Variants in CNNM1 observed in about 807,000 individuals in gnomAD.
CNNM1 encodes the protein cyclin and CBS domain divalent metal cation transport mediator 1.
Under a neutral mutation model 78.8 loss-of-function variants are expected in CNNM1, and 44 were observed. That is an observed-to-expected ratio of 0.56 (90% CI 0.44 to 0.72). The LOEUF (loss-of-function observed/expected upper bound fraction) is 0.72. CNNM1 is among the 30% of genes least tolerant of loss of function. The probability of loss-of-function intolerance (pLI) is 0.00; values close to 1 mark genes in which losing one functional copy is unlikely to be tolerated. For synonymous variants in CNNM1, 584 were observed against 581.5 expected, an observed-to-expected ratio of 1.00 and a Z score of -0.06; for missense variants, 1,101 against 1,292.2, an observed-to-expected ratio of 0.85 and a Z score of 2.27.
Position 99,391,601 on chromosome 10 carries a change from G to A in CNNM1, c.*85G>A. On this transcript the variant is annotated 3_prime_UTR_variant, in exon 11 of 11. Coordinates refer to ENST00000356713, the MANE Select transcript of CNNM1 (RefSeq NM_020348.3). Reference sequence around the variant, plus strand: ...CCCTCCCATCATCTGCTTCCCCCAAGGCCTCCCACAGGTGACAGAATGTTC... The same window carrying A: ...CCCTCCCATCATCTGCTTCCCCCAAAGCCTCCCACAGGTGACAGAATGTTC... The A allele has an allele frequency of 8.9e-7, 1 of 1,124,080 alleles. No individual in the cohort carries two copies. The highest frequency in any genetic ancestry group is 1.3e-6 in the Non-Finnish European group (1 of 757,934). The allele number at this position is 1,124,080 out of a possible 1,614,324, so 69.6% of individuals were successfully genotyped here.
At chr10:99,379,406 A>G (rs1038551580) in intron 7 of CNNM1, among the ~76,000 whole-genome samples, 1 of 152,202 alleles carries the variant, frequency 6.6e-6, no homozygotes, top group Admixed American at 6.5e-5. Flanking sequence ...TGCTCTTGAA[A>G]TGGTTATCAG....
chr10:99,387,673 G>C, intron 7 of CNNM1, 147 bp from the exon 8 acceptor site: 1 of 703,848 alleles, frequency 1.4e-6, no homozygotes, highest in Non-Finnish European at 2.3e-6. Context: ...GCTACAGCGT[G>C]GGTAAGGCCC....
intron 1 of CNNM1, among the ~76,000 whole-genome samples, chr10:99,356,609 G>GAAAGAAAGAAAGAAAAGA (rs2031219580): frequency 1.5e-5 from 2 of 132,552 alleles, no homozygotes; most frequent in South Asian, 2.4e-4. Context: ...AGAAAGAAAA[G>GAAAGAAAGAAAGAAAAGA]AAAGAAAGAA....
chr10:99,379,159 A>G (rs924967187), intron 7 of CNNM1, among the ~76,000 whole-genome samples: 1 of 152,220 alleles, frequency 6.6e-6, no homozygotes, highest in East Asian at 1.9e-4. Context: ...ATGGAAAATC[A>G]TAGTATGACT....
Position 99,357,555 on chromosome 10 carries a change from A to G in CNNM1, c.1617A>G (p.Gly539=). 2 of 1,613,668 alleles carry G rather than the reference A, an allele frequency of 1.2e-6. No homozygotes were observed. Among genetic ancestry groups the G allele is most frequent in the Non-Finnish European group, 1.7e-6 (2 of 1,179,728 alleles). Residue 539 remains glycine, a synonymous_variant, in exon 2 of 11, where the codon GGA becomes GGG. Transcript: ENST00000356713. ...TTGTCCAGCGGGTGAATAATGAGGG[A>G]GAAGGGGACCCTTTCTATGAGGTGA... ...LAIVQRVNNE[G]EGDPFYEVMG...
intron 4 of CNNM1, among the ~76,000 whole-genome samples, chr10:99,363,919 A>G (rs1274430160): frequency 6.6e-6 from 1 of 151,838 alleles, no homozygotes; most frequent in African/African-American, 2.4e-5. Context: ...TAATTTTTGT[A>G]TGTTTAGTAG....
rs936500290 is a variant in CNNM1 at position 99,393,930 on chromosome 10, C to T, written c.*2414C>T. Reference sequence around the variant, plus strand: ...GACTTCTCGTAGATAACTTCACAGTCATCCAGTCCCAACACCTGCTCTTGC... The same window carrying T: ...GACTTCTCGTAGATAACTTCACAGTTATCCAGTCCCAACACCTGCTCTTGC... On this transcript the variant is annotated 3_prime_UTR_variant, in exon 11 of 11. Transcript: ENST00000356713. 5 of 152,274 alleles carry T rather than the reference C, an allele frequency of 3.3e-5. No individual in the cohort carries two copies. The highest frequency in any genetic ancestry group is 1.2e-4 in the African/African-American group (5 of 41,464). The allele number at this position is 152,274 out of a possible 1,614,324, so 9.4% of individuals were successfully genotyped here.
At chr10:99,363,801 G>A (rs1470984730) in intron 4 of CNNM1, among the ~76,000 whole-genome samples, 1 of 142,374 alleles carries the variant, frequency 7.0e-6, no homozygotes, top group Non-Finnish European at 1.5e-5. Context: ...CTGGAGTGCA[G>A]TGGCCCGATC....
In CNNM1 at chr10:99,349,457, G is replaced by A. The variant is rs562593961; in HGVS notation, c.1574-8055G>A. ...TAGAAAAGTTCCAATCATAAGGGTG[G>A]GAAGAGAAGTAGGGTAGTCTTGACC... On this transcript the variant is annotated intron_variant, in intron 1 of 10. Transcript: ENST00000356713. Among the ~76,000 whole-genome samples, 137 of 152,232 alleles carry A rather than the reference G, an allele frequency of 9.0e-4. No individual in the cohort carries two copies. The Middle Eastern group carries it at 0.01, about 11-fold the overall frequency.
In CNNM1 at chr10:99,330,243, C is replaced by G; in HGVS notation, c.856C>G (p.Leu286Val). The G allele has an allele frequency of 1.3e-6, 2 of 1,542,760 alleles. No homozygotes were observed. Among genetic ancestry groups the G allele is most frequent in the Non-Finnish European group, 1.7e-6 (2 of 1,145,808 alleles). Residue 286 changes from leucine to valine, a missense_variant, in exon 1 of 11, where the codon CTA becomes GTA. Leu to Val is a conservative substitution (Grantham distance 32). Around this residue, in one of 3 missense-constraint regions of CNNM1, gnomAD observed 476 missense variants for 484.5 expected, o/e 0.98. Transcript: ENST00000356713. ...CAGGGGGACCCATCTGCTCTGCACC[C>G]TACTCCTGGGCCAAGCCGGAGCCAA... ...RGRGTHLLCT[L>V]LLGQAGANAA...
At chr10:99,356,394 T>C (rs1257344713) in intron 1 of CNNM1, among the ~76,000 whole-genome samples, 1 of 151,598 alleles carries the variant, frequency 6.6e-6, no homozygotes, top group Non-Finnish European at 1.5e-5. Flanking sequence ...GAGAATCACT[T>C]GAACCCGGAA....
At chr10:99,342,793 C>G (rs957743828) in intron 1 of CNNM1, among the ~76,000 whole-genome samples, 1 of 151,958 alleles carries the variant, frequency 6.6e-6, no homozygotes, top group African/African-American at 2.4e-5. Flanking sequence ...CCTTTATAAA[C>G]ACAAGAGGCT....
intron 6 of CNNM1, among the ~76,000 whole-genome samples, chr10:99,372,097 G>A (rs2031822999): frequency 6.6e-6 from 1 of 152,156 alleles, no homozygotes; most frequent in African/African-American, 2.4e-5. Context: ...CACAAATGAA[G>A]CAAGAGTCCC....
chr10:99,391,754 A>G lies in CNNM1; in HGVS notation c.*238A>G, dbSNP rs2134088298. The stretch of plus-strand genomic sequence containing the variant: ...GGTGCCTCTGATAGAACATGCTAGA[A>G]ATGGTCTTTTCCACAGCATAGTCTG... On this transcript the variant is annotated 3_prime_UTR_variant, in exon 11 of 11. Coordinates refer to ENST00000356713, the MANE Select transcript of CNNM1 (RefSeq NM_020348.3). The G allele has an allele frequency of 8.4e-6, 4 of 475,414 alleles. No homozygotes were observed. The highest frequency in any genetic ancestry group is 1.5e-5 in the Non-Finnish European group (4 of 264,022). The allele number at this position is 475,414 out of a possible 1,614,324, so 29.4% of individuals were successfully genotyped here.
At chr10:99,332,829 C>T (rs1372568829) in intron 1 of CNNM1, among the ~76,000 whole-genome samples, 2 of 152,196 alleles carry the variant, frequency 1.3e-5, no homozygotes, top group Non-Finnish European at 2.9e-5. Context: ...GTTGCTGTCT[C>T]ACCCTGTTCA....
intron 7 of CNNM1, among the ~76,000 whole-genome samples, chr10:99,379,640 ATT>A (rs11305524): frequency 0.031 from 3,703 of 119,698 alleles, 109 homozygotes; most frequent in African/African-American, 0.094. Flanking sequence ...GTGTGGCGGG[ATT>A]TTTTTTTTTT....
At chr10:99,361,968 T>A (rs2134050182) in intron 3 of CNNM1, among the ~76,000 whole-genome samples, 1 of 152,364 alleles carries the variant, frequency 6.6e-6, no homozygotes, top group East Asian at 1.9e-4. Context: ...AACAGACATT[T>A]CCAAATGGAG....
intron 8 of CNNM1, 59 bp from the exon 9 acceptor site, chr10:99,388,093 C>G: frequency 6.2e-7 from 1 of 1,603,440 alleles, no homozygotes; most frequent in South Asian, 1.1e-5. Flanking sequence ...GGGCTCACAC[C>G]ACCTGAGCCC....
At position 99,362,253 on chromosome 10, in the gene CNNM1, C is replaced by A. The variant is rs1402519786; in HGVS notation, c.1885C>A (p.Leu629Ile). 1 of 1,613,506 alleles carries A rather than the reference C, an allele frequency of 6.2e-7. No homozygotes were observed. Among genetic ancestry groups the A allele is most frequent in the Admixed American group, 1.7e-5 (1 of 59,980 alleles). Residue 629 changes from leucine (L) to isoleucine (I), a missense_variant, in exon 4 of 11, where the codon CTT (leucine) becomes ATT (isoleucine). By Grantham distance (5) the Leu-to-Ile change is conservative. Transcript: ENST00000356713. ...AGTGGAGCCCTTTAAGTCTCTGTAC[C>A]TTTCGGAGAAGATCCTGCTCCGGCT... The part of the protein sequence containing the change: ...TEVEPFKSLY[L>I]SEKILLRLLK...
Sources: gnomAD v4.1 joint callset for allele counts (sites outside exome capture counted in the v4.1 genomes callset) on GRCh38, gnomAD v4.1.1 for gene constraint, gnomAD v4.1.1 regional missense constraint, MANE v1.5 for transcripts, NCBI Gene and HGNC (gene_info 2026-07-23, HGNC 2026-07-21) for gene names.